The following PRPSAP2 variants were observed in gnomAD, a reference collection of about 807,000 sequenced individuals.
PRPSAP2 encodes phosphoribosyl pyrophosphate synthase-associated protein 2.
A neutral mutation model predicts 40.6 loss-of-function variants in PRPSAP2; 24 were observed. The ratio of observed to expected loss-of-function variants is 0.59; its 90% CI spans 0.43 to 0.83. The LOEUF is 0.83. Ranked by LOEUF, PRPSAP2 falls within the 40% of genes least tolerant of loss-of-function variation. PRPSAP2 has a pLI of 0.00. For missense variants in PRPSAP2, 292 were observed against 465.6 expected (o/e 0.63, Z 3.43); for synonymous variants, 149 against 164.7 (o/e 0.90, Z 0.73).
At chr17:18,929,399 A>G (rs2042143168) in intron 11 of PRPSAP2, among the ~76,000 whole-genome samples, 1 of 150,292 alleles carries the variant, frequency 6.7e-6, no homozygotes, top group African/African-American at 2.5e-5. Flanking sequence ...AATGTGTACA[A>G]CTCATTGGTT....
rs117049076 is a variant in PRPSAP2 at position 18,905,887 on chromosome 17, T to C, written c.585-5216T>C. ...CGTGAGCCACTGCTCCTGGCCACTC[T>C]CTTGATAATTTTTTAAAAACTATTT... On this transcript the variant is annotated intron_variant, in intron 8 of 11. Transcript: ENST00000268835. 7.0e-3 allele frequency among the ~76,000 whole-genome samples: 1,066 copies of C among 152,330 alleles called. 5 individuals carry two copies. Among genetic ancestry groups the C allele is most frequent in the Admixed American group, 0.01 (157 of 15,286 alleles).
Position 18,930,836 on chromosome 17 carries a change from A to T in PRPSAP2, c.*138A>T. The T allele has an allele frequency of 4.2e-6, 3 of 719,814 alleles. No individual in the cohort carries two copies. The highest frequency in any genetic ancestry group is 6.0e-6 in the Non-Finnish European group (3 of 502,334). The allele number at this position is 719,814 out of a possible 1,614,324, so 44.6% of individuals were successfully genotyped here. A position where few individuals can be genotyped will look rare whatever the true frequency, so the allele number is the denominator to read the frequency against. On this transcript the variant is annotated 3_prime_UTR_variant, in exon 12 of 12. Coordinates refer to ENST00000268835, the MANE Select transcript of PRPSAP2 (RefSeq NM_002767.4). ...TCACTTCTTATTGATTCCTAAGAAG[A>T]TAGACCAACTTTTTATGTCGGTTTG...
rs530803085 is a variant in PRPSAP2 at position 18,880,164 on chromosome 17, C to T, written c.412+2294C>T. Among the ~76,000 whole-genome samples, 14 of 152,304 alleles carry T rather than the reference C, an allele frequency of 9.2e-5. No individual in the cohort carries two copies. The South Asian group carries it at 2.3e-3, about 25-fold the overall frequency. ...TCAGGAGCCTACCCCATTGTAAACA[C>T]TATGACAGGCAGCTGGTGAGGAGAG... On this transcript the variant is annotated intron_variant, in intron 6 of 11. Coordinates refer to ENST00000268835, the MANE Select transcript of PRPSAP2 (RefSeq NM_002767.4).
chr17:18,872,289 A>G (rs910758973), intron 4 of PRPSAP2, among the ~76,000 whole-genome samples: 4 of 151,890 alleles, frequency 2.6e-5, no homozygotes, highest in African/African-American at 9.7e-5. Flanking sequence ...AAAAAAAAAA[A>G]AGTTACCATG....
At chr17:18,902,158 G>C (rs919494375) in intron 8 of PRPSAP2, among the ~76,000 whole-genome samples, 3 of 152,054 alleles carry the variant, frequency 2.0e-5, no homozygotes, top group African/African-American at 7.2e-5. Context: ...TCCCATCTGG[G>C]TGGACTTTTA....
At chr17:18,908,655 C>CGA (rs2040756839) in intron 8 of PRPSAP2, 2 of 721,190 alleles carry the variant, frequency 2.8e-6, no homozygotes, top group Non-Finnish European at 5.1e-6. Context: ...ACTTCGCCAA[C>CGA]GAGTGCCCCA....
intron 9 of PRPSAP2, 29 bp from the exon 10 acceptor site, chr17:18,923,885 T>C (rs1258578135): frequency 6.4e-7 from 1 of 1,565,236 alleles, no homozygotes; most frequent in African/African-American, 1.4e-5. Context: ...AATATAAAAA[T>C]TTTGGTGTGT....
chr17:18,865,726 A>G (rs537027063), intron 2 of PRPSAP2, 76 bp from the exon 3 acceptor site: 201 of 961,498 alleles, frequency 2.1e-4, no homozygotes, highest in Middle Eastern at 1.5e-3. Flanking sequence ...AGCTGAAGTC[A>G]TTTCCTTTAA....
intron 8 of PRPSAP2, among the ~76,000 whole-genome samples, chr17:18,908,123 C>T (rs927343415): frequency 6.6e-6 from 1 of 152,170 alleles, no homozygotes; most frequent in East Asian, 1.9e-4. Context: ...CACGCCACTG[C>T]ACTCCAGCCT....
At chr17:18,885,748 C>T (rs572883077) in intron 7 of PRPSAP2, among the ~76,000 whole-genome samples, 5 of 152,128 alleles carry the variant, frequency 3.3e-5, no homozygotes, top group African/African-American at 4.8e-5. Flanking sequence ...CCACCACACC[C>T]GGCTAATTTT....
chr17:18,866,210 G>A (rs1001907900), intron 3 of PRPSAP2, among the ~76,000 whole-genome samples: 25 of 151,620 alleles, frequency 1.6e-4, no homozygotes, highest in African/African-American at 6.1e-4. Context: ...CATTTATTGA[G>A]TGCCTTATAA....
intron 4 of PRPSAP2, among the ~76,000 whole-genome samples, chr17:18,868,327 T>G (rs977031772): frequency 2.6e-5 from 4 of 151,870 alleles, no homozygotes; most frequent in African/African-American, 9.7e-5. Flanking sequence ...ATACAAAAAT[T>G]TGCTGGGCTT....
intron 1 of PRPSAP2, among the ~76,000 whole-genome samples, chr17:18,860,977 AAGCAGTTAT>A (rs1447462166): frequency 6.6e-6 from 1 of 152,166 alleles, no homozygotes; most frequent in Admixed American, 6.6e-5. Flanking sequence ...AATAAACATA[AAGCAGTTAT>A]AGCTCATGGG....
chr17:18,891,671 C>T (rs1476714819), intron 8 of PRPSAP2, among the ~76,000 whole-genome samples: 2 of 152,186 alleles, frequency 1.3e-5, no homozygotes, highest in East Asian at 3.8e-4. Context: ...CACCACCTGT[C>T]TCTGTTTTCA....
intron 8 of PRPSAP2, among the ~76,000 whole-genome samples, chr17:18,899,008 G>A (rs1195902863): frequency 2.0e-5 from 3 of 152,012 alleles, no homozygotes; most frequent in African/African-American, 7.3e-5. Flanking sequence ...GGGTTCAAGC[G>A]ATTCTCCTGC....
At chr17:18,917,582 TTA>T (rs1168950347) in intron 9 of PRPSAP2, 22 of 62,934 alleles carry the variant, frequency 3.5e-4, no homozygotes, top group African/African-American at 4.5e-4. Flanking sequence ...ATTATTATTA[TTA>T]TTTTTTTTTT....
intron 8 of PRPSAP2, among the ~76,000 whole-genome samples, chr17:18,892,340 A>G (rs997544885): frequency 4.0e-5 from 6 of 150,742 alleles, no homozygotes; most frequent in Non-Finnish European, 8.8e-5. Context: ...TTTCTTGTGG[A>G]TATATATTAG....
chr17:18,917,463 T>G (rs2041387326), intron 9 of PRPSAP2: 2 of 148,784 alleles, frequency 1.3e-5, no homozygotes, highest in Admixed American at 1.4e-4. Context: ...CATGGCACAC[T>G]GCAACCTCGG....
At chr17:18,929,985 G>T (rs528071860) in intron 11 of PRPSAP2, among the ~76,000 whole-genome samples, 4 of 152,118 alleles carry the variant, frequency 2.6e-5, no homozygotes, top group South Asian at 2.1e-4. Context: ...CGTGAGTTGG[G>T]GGGGGGCTCC....
Sources: gnomAD v4.1 joint callset for allele counts (sites outside exome capture counted in the v4.1 genomes callset) on GRCh38, gnomAD v4.1.1 for gene constraint, MANE v1.5 for transcripts, NCBI Gene and HGNC (gene_info 2026-07-23, HGNC 2026-07-21) for gene names.